Variants in BPIFC observed in about 807,000 individuals in gnomAD.
The protein encoded by BPIFC is BPI fold containing family C, also known as BPI fold-containing family C protein.
A neutral mutation model predicts 57.6 loss-of-function variants in BPIFC; 60 were observed. The observed-to-expected ratio is 1.04, with a 90% CI of 0.85 to 1.29. The LOEUF is 1.29. Ranked by LOEUF, BPIFC falls within the 50% of genes most tolerant of loss-of-function variation. The probability of loss-of-function intolerance (pLI) is 0.00; values close to 1 mark genes in which losing one functional copy is unlikely to be tolerated. For synonymous variants in BPIFC, 243 were observed against 224.5 expected (o/e 1.08, Z -0.74); for missense variants, 581 against 600.5 (o/e 0.97, Z 0.34).
At chr22:32,415,656 C>T (rs1196565756) in intron 16 of BPIFC, among the ~76,000 whole-genome samples, 1 of 152,132 alleles carries the variant, frequency 6.6e-6, no homozygotes, top group Non-Finnish European at 1.5e-5. Context: ...TAAAATAAAG[C>T]GTGCTAAGGG....
chr22:32,453,083 T>C (rs1411599513), intron 4 of BPIFC, among the ~76,000 whole-genome samples: 1 of 152,178 alleles, frequency 6.6e-6, no homozygotes, highest in African/African-American at 2.4e-5. Context: ...CAGGATCTTA[T>C]TAGGGTAGAG....
chr22:32,422,623 G>A (rs975969313), intron 13 of BPIFC, among the ~76,000 whole-genome samples: 1 of 151,922 alleles, frequency 6.6e-6, no homozygotes, highest in African/African-American at 2.4e-5. Flanking sequence ...CAGGAGAATT[G>A]CTTAAAACTG....
Position 32,450,093 on chromosome 22 carries a change from T to C in BPIFC, c.246-2753A>G, listed in dbSNP as rs1028281405. Among the ~76,000 whole-genome samples, 21 of 145,614 alleles carry C rather than the reference T, an allele frequency of 1.4e-4. No homozygotes were observed. The East Asian group carries it at 2.7e-3, about 19-fold the overall frequency. ...AGTGGAATTGTTGGGTCAAAGAGCA[T>C]ACACACACACACACACACACACACA... On this transcript the variant is annotated intron_variant, in intron 4 of 16. Coordinates refer to ENST00000300399, the MANE Select transcript of BPIFC (RefSeq NM_174932.3).
At chr22:32,424,674 CT>C (rs1381213258) in intron 13 of BPIFC, among the ~76,000 whole-genome samples, 24 of 90,730 alleles carry the variant, frequency 2.6e-4, no homozygotes, top group African/African-American at 8.5e-4. Context: ...TCTTCTTCTT[CT>C]TCTTCTTCTT....
chr22:32,433,713 A>G lies in BPIFC; in HGVS notation c.978+6T>C, dbSNP rs1569450712. The G allele has an allele frequency of 6.2e-7, 1 of 1,613,570 alleles. No homozygotes were observed. Among genetic ancestry groups the G allele is most frequent in the Non-Finnish European group, 8.5e-7 (1 of 1,179,516 alleles). ...CACTATCAAGACTCAAACCCTGAGC[A>G]CTTACCCGGGAGAGCACGTTGCCAA... On this transcript the variant is annotated splice_donor_region_variant and intron_variant, in intron 11 of 16. Transcript: ENST00000300399.
intron 3 of BPIFC, 110 bp from the exon 4 acceptor site, chr22:32,453,613 T>C: frequency 1.5e-6 from 2 of 1,315,000 alleles, no homozygotes; most frequent in Non-Finnish European, 2.0e-6. Context: ...CTTAGATACT[T>C]AGAAAATGGC....
chr22:32,445,033 G>A (rs1417822204), intron 7 of BPIFC, among the ~76,000 whole-genome samples: 2 of 152,170 alleles, frequency 1.3e-5, no homozygotes, highest in African/African-American at 2.4e-5. Context: ...ATTCTTGTTG[G>A]TTGTTTGCCC....
intron 13 of BPIFC, among the ~76,000 whole-genome samples, chr22:32,426,734 A>G (rs1186928523): frequency 1.3e-5 from 2 of 151,970 alleles, no homozygotes; most frequent in African/African-American, 4.8e-5. Flanking sequence ...TCTACTAAAA[A>G]TACAAAAATC....
At chr22:32,458,674 T>C (rs1318306972) in intron 2 of BPIFC, among the ~76,000 whole-genome samples, 1 of 152,188 alleles carries the variant, frequency 6.6e-6, no homozygotes, top group Non-Finnish European at 1.5e-5. Context: ...AAGCTGTGAA[T>C]TGGGCCATGT....
intron 3 of BPIFC, 107 bp downstream of exon 3, chr22:32,457,156 A>G: frequency 7.6e-7 from 1 of 1,312,928 alleles, no homozygotes; most frequent in South Asian, 1.7e-5. Flanking sequence ...ACCCCACAGT[A>G]CGGCGTTTCT....
In BPIFC at chr22:32,457,266, A is replaced by C; in HGVS notation, c.121T>G (p.Tyr41Asp). Residue 41 changes from tyrosine (Y) to aspartate (D), a missense_variant, in exon 3 of 17, where the codon TAT (tyrosine) becomes GAT (aspartate). Transcript: ENST00000300399. The stretch of plus-strand genomic sequence containing the variant: ...CTTCTGAAAACATCCAACTCACCAT[A>C]GTCAAGTGCCCTCTGAGTAATCCTT... ...KARITQRALD[Y>D]GVQAGMKMIE... 1 of 1,597,288 alleles carries C rather than the reference A, an allele frequency of 6.3e-7. No homozygotes were observed.
chr22:32,425,527 G>A (rs1419424103), intron 13 of BPIFC, among the ~76,000 whole-genome samples: 1 of 152,212 alleles, frequency 6.6e-6, no homozygotes, highest in African/African-American at 2.4e-5. Context: ...TTGTACGATT[G>A]AGCACCTCCT....
intron 5 of BPIFC, 32 bp from the exon 6 acceptor site, chr22:32,446,028 T>C: frequency 6.2e-7 from 1 of 1,609,486 alleles, no homozygotes; most frequent in Non-Finnish European, 8.5e-7. Flanking sequence ...TATCCAAGCC[T>C]GAGTCAGGCA....
At chr22:32,451,218 G>T (rs1034597751) in intron 4 of BPIFC, among the ~76,000 whole-genome samples, 1 of 152,102 alleles carries the variant, frequency 6.6e-6, no homozygotes, top group Non-Finnish European at 1.5e-5. Context: ...ATTTTTTATG[G>T]CTGCATAGTA....
At chr22:32,457,521 T>TCATCCATCCATC in intron 2 of BPIFC, 135 bp from the exon 3 acceptor site, 1 of 960,300 alleles carries the variant, frequency 1.0e-6, no homozygotes, top group Non-Finnish European at 1.5e-6. Context: ...ATCCATCCAT[T>TCATCCATCCATC]CATCCATCCA....
At chr22:32,453,581 A>G in intron 3 of BPIFC, 78 bp from the exon 4 acceptor site, 1 of 1,448,118 alleles carries the variant, frequency 6.9e-7, no homozygotes. Context: ...ACACAAATAC[A>G]ATTTATTGAG....
chr22:32,424,188 A>G (rs73402918), intron 13 of BPIFC, among the ~76,000 whole-genome samples: 2,192 of 152,286 alleles, frequency 0.014, 49 homozygotes, highest in African/African-American at 0.05. Context: ...GAGGAAACTG[A>G]TACTTAACGA....
chr22:32,450,127 CACACACACACACACATATAT>C (rs1481954650), intron 4 of BPIFC, among the ~76,000 whole-genome samples: 4 of 79,328 alleles, frequency 5.0e-5, no homozygotes, highest in Non-Finnish European at 1.1e-4. Flanking sequence ...CACACACACA[CACACACACACACACATATAT>C]ACACATATAT....
chr22:32,461,730 G>A, intron 1 of BPIFC, 69 bp from the exon 2 acceptor site: 2 of 750,594 alleles, frequency 2.7e-6, no homozygotes, highest in Non-Finnish European at 3.2e-6. Flanking sequence ...CAGGTTAGTG[G>A]CTGCTGACCA....
Sources: gnomAD v4.1 joint callset for allele counts (sites outside exome capture counted in the v4.1 genomes callset) on GRCh38, gnomAD v4.1.1 for gene constraint, MANE v1.5 for transcripts, NCBI Gene and HGNC (gene_info 2026-07-23, HGNC 2026-07-21) for gene names.